SLC44A5: variants seen among roughly 807,000 people sequenced by gnomAD.
The protein encoded by SLC44A5 is solute carrier family 44 member 5, also known as choline transporter-like protein 5.
In SLC44A5, 57 loss-of-function variants were observed where a neutral mutation model predicts 101.8. The observed-to-expected ratio is 0.56, with a 90% confidence interval of 0.45 to 0.70. The LOEUF (loss-of-function observed/expected upper bound fraction) is 0.70, where lower values mean the gene tolerates loss of function less well. SLC44A5 is among the 30% of genes least tolerant of loss of function. The probability of loss-of-function intolerance (pLI) is 0.00; values close to 1 mark genes in which losing one functional copy is unlikely to be tolerated. For synonymous variants in SLC44A5, 281 were observed against 290.9 expected (o/e 0.97, Z 0.35); for missense variants, 737 against 853.1 (o/e 0.86, Z 1.70).
At chr1:75,669,982 C>T in the SLC44A5 span, among the ~76,000 whole-genome samples, 1 of 152,088 alleles carries the variant, frequency 6.6e-6, no homozygotes, top group Non-Finnish European at 1.5e-5. Context: ...AAATGTATAA[C>T]ATGAGAGAAG....
At chr1:75,537,024 A>G (rs4035321) in intron 2 of SLC44A5, among the ~76,000 whole-genome samples, 5,129 of 61,798 alleles carry the variant, frequency 0.083, 565 homozygotes, top group South Asian at 0.18. Flanking sequence ...AAAAAAAAAA[A>G]AAAAAAAAAA....
chr1:75,592,142 A>G (rs1290583728), intron 1 of SLC44A5, among the ~76,000 whole-genome samples: 2 of 152,130 alleles, frequency 1.3e-5, no homozygotes, highest in African/African-American at 2.4e-5. Context: ...TAAAGACTCT[A>G]TTAGAAAACT....
In SLC44A5 at chr1:75,578,510, T is replaced by C. The variant is rs181398075; in HGVS notation, c.-70+32530A>G. 1.8e-3 allele frequency among the ~76,000 whole-genome samples: 271 copies of C among 152,298 alleles called. 1 individual carries two copies. The highest frequency in any genetic ancestry group is 6.0e-3 in the African/African-American group (249 of 41,576). The stretch of plus-strand genomic sequence containing the variant: ...AAATCCTAATAAAACTGAAGTGCAG[T>C]GTGCTAAGTGAAGTAAGCCCAGCAT... On this transcript the variant is annotated intron_variant, in intron 1 of 23. Coordinates refer to ENST00000370859, the MANE Select transcript of SLC44A5 (RefSeq NM_001130058.2).
intron 2 of SLC44A5, among the ~76,000 whole-genome samples, chr1:75,406,503 C>T (rs1662877041): frequency 6.6e-6 from 1 of 152,148 alleles, no homozygotes; most frequent in South Asian, 2.1e-4. Context: ...CATCAAAAAG[C>T]TTATCCACAA....
At chr1:75,376,865 G>A (rs1185263560) in intron 3 of SLC44A5, among the ~76,000 whole-genome samples, 16 of 152,292 alleles carry the variant, frequency 1.1e-4, no homozygotes, top group South Asian at 8.3e-4. Flanking sequence ...GGCTTCAGAC[G>A]ATCAAATTAC....
intron 1 of SLC44A5, among the ~76,000 whole-genome samples, chr1:75,574,236 C>T (rs1673244036): frequency 6.6e-6 from 1 of 152,080 alleles, no homozygotes; most frequent in South Asian, 2.1e-4. Flanking sequence ...AAAGCTGCTA[C>T]AAGTAGACTG....
At chr1:75,434,160 A>G (rs1283824417) in intron 2 of SLC44A5, among the ~76,000 whole-genome samples, 10 of 152,146 alleles carry the variant, frequency 6.6e-5, no homozygotes, top group African/African-American at 2.2e-4. Flanking sequence ...GCCGAATAAC[A>G]GCACCATCCT....
chr1:75,209,566 T>C (rs1250764159), intron 23 of SLC44A5, among the ~76,000 whole-genome samples: 2 of 152,214 alleles, frequency 1.3e-5, no homozygotes, highest in Non-Finnish European at 2.9e-5. Flanking sequence ...ACATTTCATT[T>C]CCATTTACAA....
Position 75,524,243 on chromosome 1 carries a change from G to T in SLC44A5, c.13+17192C>A, listed in dbSNP as rs1477305302. On this transcript the variant is annotated intron_variant, in intron 2 of 23. Coordinates refer to ENST00000370859, the MANE Select transcript of SLC44A5 (RefSeq NM_001130058.2). Reference sequence around the variant, plus strand: ...TCTGCTGCCATGTGAAGATGTGCTTGCTTCCCCTTCACCCTTACACCATGA... The same window carrying T: ...TCTGCTGCCATGTGAAGATGTGCTTTCTTCCCCTTCACCCTTACACCATGA... 2.0e-5 allele frequency among the ~76,000 whole-genome samples: 3 copies of T among 152,288 alleles called. No homozygotes were observed. In the East Asian group the frequency reaches 5.8e-4, roughly 29 times the overall value.
chr1:75,322,006 A>C (rs1462603248), intron 4 of SLC44A5, among the ~76,000 whole-genome samples: 1 of 152,146 alleles, frequency 6.6e-6, no homozygotes, highest in Admixed American at 6.6e-5. Flanking sequence ...TGCTTTAAAA[A>C]TTGATCTTTA....
chr1:75,207,765 T>C (rs1374701372), intron 23 of SLC44A5, among the ~76,000 whole-genome samples: 1 of 152,310 alleles, frequency 6.6e-6, no homozygotes, highest in East Asian at 1.9e-4. Flanking sequence ...TTACCCAAGG[T>C]CCAGAAATAT....
intron 3 of SLC44A5, among the ~76,000 whole-genome samples, chr1:75,386,402 C>T (rs961724392): frequency 3.9e-5 from 6 of 152,184 alleles, no homozygotes; most frequent in South Asian, 4.2e-4. Flanking sequence ...ACAAGCATTC[C>T]TATACACCAA....
chr1:75,282,156 C>T (rs1270797939), intron 5 of SLC44A5, among the ~76,000 whole-genome samples: 4 of 152,304 alleles, frequency 2.6e-5, no homozygotes, highest in East Asian at 1.9e-4. Flanking sequence ...AGGGAGCCCA[C>T]CTCTTGCATT....
At chr1:75,607,117 T>C (rs184935751) in intron 1 of SLC44A5, among the ~76,000 whole-genome samples, 1 of 152,114 alleles carries the variant, frequency 6.6e-6, no homozygotes, top group Non-Finnish European at 1.5e-5. Context: ...GTATATCAAA[T>C]AAATATTTCA....
intron 11 of SLC44A5, among the ~76,000 whole-genome samples, chr1:75,236,107 A>C (rs1439573729): frequency 6.6e-6 from 1 of 152,062 alleles, no homozygotes; most frequent in African/African-American, 2.4e-5. Flanking sequence ...AGGAAAGGAA[A>C]CAGAATGTGC....
the SLC44A5 span, among the ~76,000 whole-genome samples, chr1:75,687,790 T>G: frequency 6.6e-6 from 1 of 152,194 alleles, no homozygotes; most frequent in Non-Finnish European, 1.5e-5. Context: ...AATTCCTTCT[T>G]GCAATCGTGT....
chr1:75,441,564 A>C (rs1665203373), intron 2 of SLC44A5, among the ~76,000 whole-genome samples: 1 of 152,120 alleles, frequency 6.6e-6, no homozygotes, highest in East Asian at 1.9e-4. Flanking sequence ...AATAAACATA[A>C]TTGAATTAAA....
chr1:75,531,909 G>T (rs149462660), intron 2 of SLC44A5, among the ~76,000 whole-genome samples: 3,742 of 152,198 alleles, frequency 0.025, 164 homozygotes, highest in African/African-American at 0.086. Context: ...CAGAATGCTG[G>T]GAGCCAAAAC....
At chr1:75,481,722 T>C (rs962565948) in intron 2 of SLC44A5, among the ~76,000 whole-genome samples, 1 of 152,132 alleles carries the variant, frequency 6.6e-6, no homozygotes, top group African/African-American at 2.4e-5. Context: ...CTCACATCAG[T>C]TACAATGGCA....
Sources: allele counts gnomAD v4.1 joint callset (sites outside exome capture counted in the v4.1 genomes callset), GRCh38; gene constraint gnomAD v4.1.1; transcripts MANE v1.5; gene names NCBI Gene and HGNC (gene_info 2026-07-23, HGNC 2026-07-21).